BRAP: variants seen among roughly 807,000 people sequenced by gnomAD.
The protein encoded by BRAP is BRCA1 associated protein.
BRAP carries 42 observed loss-of-function variants against 73.4 expected under a neutral mutation model. The ratio of observed to expected loss-of-function variants is 0.57; its 90% confidence interval spans 0.45 to 0.74. The LOEUF (loss-of-function observed/expected upper bound fraction) is 0.74, where lower values mean the gene tolerates loss of function less well. BRAP is among the 30% of genes least tolerant of loss of function. The pLI, the probability that BRAP is intolerant of heterozygous loss-of-function variation, is 0.00. For missense variants in BRAP, 593 were observed against 751.4 expected, an observed-to-expected ratio of 0.79 and a Z score of 2.46; for synonymous variants, 255 against 267.4, an observed-to-expected ratio of 0.95 and a Z score of 0.45.
chr12:111,653,253 A>G (rs551068498), intron 10 of BRAP, among the ~76,000 whole-genome samples: 1 of 152,348 alleles, frequency 6.6e-6, no homozygotes, highest in East Asian at 1.9e-4. Context: ...CACCCATGAC[A>G]CACACAAAAG....
Position 111,683,237 on chromosome 12 carries a change from C to A in BRAP, c.153G>T (p.Lys51Asn). Residue 51 changes from lysine (K) to asparagine (N), a missense_variant, in exon 2 of 12, where the codon AAG (lysine) becomes AAT (asparagine). Around this residue, in one of 4 missense-constraint regions of BRAP, gnomAD observed 304 missense variants for 337.7 expected, o/e 0.90. Coordinates refer to ENST00000419234, the MANE Select transcript of BRAP (RefSeq NM_006768.5). ...TAATCGCTACTTTCTCTCCTGGTGA[C>A]TTGCCTTCTAAACAGGCTACAGCTG... ...LASAVACLEG[K>N]SPGEKVAIIH... 2 of 1,614,182 alleles carry A rather than the reference C, an allele frequency of 1.2e-6. No homozygotes were observed. Among genetic ancestry groups the A allele is most frequent in the Non-Finnish European group, 1.7e-6 (2 of 1,180,026 alleles).
intron 10 of BRAP, 56 bp from the exon 11 acceptor site, chr12:111,650,098 T>C (rs1232824650): frequency 1.6e-6 from 2 of 1,268,700 alleles, no homozygotes; most frequent in African/African-American, 1.5e-5. Flanking sequence ...GGTGTGCTCT[T>C]TGGGACCAAC....
chr12:111,647,240 T>C (rs1156450860), intron 11 of BRAP, among the ~76,000 whole-genome samples: 1 of 152,158 alleles, frequency 6.6e-6, no homozygotes, highest in Non-Finnish European at 1.5e-5. Context: ...CACTGTACTC[T>C]GGCCTAGGCA....
intron 9 of BRAP, 83 bp downstream of exon 9, chr12:111,658,653 T>G: frequency 8.9e-7 from 1 of 1,129,542 alleles, no homozygotes; most frequent in Non-Finnish European, 1.3e-6. Context: ...AAAATGTACA[T>G]CCAGGTAAAT....
chr12:111,648,599 C>T (rs893986776), intron 11 of BRAP, among the ~76,000 whole-genome samples: 3 of 143,384 alleles, frequency 2.1e-5, no homozygotes, highest in Middle Eastern at 4.4e-3. Flanking sequence ...TGCGCCACTG[C>T]ACTCCAGCCT....
intron 4 of BRAP, among the ~76,000 whole-genome samples, chr12:111,673,510 G>GAAAAAAAAAAAAAAAAAAA (rs11350832): frequency 4.2e-5 from 5 of 118,158 alleles, no homozygotes; most frequent in African/African-American, 3.2e-5. Flanking sequence ...ATCTCAAAAA[G>GAAAAAAAAAAAAAAAAAAA]AAAAAAAAAA....
chr12:111,655,506 C>T, intron 10 of BRAP, 60 bp downstream of exon 10: 1 of 1,355,790 alleles, frequency 7.4e-7, no homozygotes, highest in South Asian at 1.2e-5. Flanking sequence ...CTTCCACACC[C>T]CCCATCAGAG....
intron 3 of BRAP, 139 bp from the exon 4 acceptor site, chr12:111,679,479 C>G (rs191785006): frequency 3.9e-6 from 2 of 509,070 alleles, no homozygotes; most frequent in Non-Finnish European, 6.2e-6. Flanking sequence ...TATATTATAC[C>G]CCCCATTGGA....
intron 5 of BRAP, among the ~76,000 whole-genome samples, chr12:111,668,933 G>A (rs527273411): frequency 2.6e-5 from 4 of 152,216 alleles, no homozygotes; most frequent in South Asian, 2.1e-4. Context: ...GATTACAGGC[G>A]TGAGCCACTG....
At chr12:111,660,058 A>C (rs979820476) in intron 7 of BRAP, among the ~76,000 whole-genome samples, 3 of 151,856 alleles carry the variant, frequency 2.0e-5, no homozygotes, top group African/African-American at 7.3e-5. Context: ...TGGGTAACAG[A>C]ATGATACCCT....
chr12:111,670,201 GT>G (rs2135919358), intron 5 of BRAP: 1 of 610,294 alleles, frequency 1.6e-6, no homozygotes, highest in Admixed American at 1.9e-5. Flanking sequence ...TTGTTGGGAG[GT>G]CTGCAGCTTC....
intron 5 of BRAP, chr12:111,669,847 C>T (rs2135918981): frequency 3.2e-6 from 2 of 624,562 alleles, no homozygotes; most frequent in Admixed American, 5.6e-5. Flanking sequence ...TTCAAAACAT[C>T]GTTTAATTGT....
intron 9 of BRAP, 101 bp downstream of exon 9, chr12:111,658,635 T>TA: frequency 9.8e-7 from 1 of 1,021,974 alleles, no homozygotes; most frequent in Non-Finnish European, 1.4e-6. Flanking sequence ...TGACCAAACT[T>TA]TAAAAAAAAA....
chr12:111,665,491 T>C lies in BRAP; in HGVS notation c.896+148A>G. 2 of 1,161,724 alleles carry C rather than the reference T, an allele frequency of 1.7e-6. No homozygotes were observed. The highest frequency in any genetic ancestry group is 2.4e-6 in the Non-Finnish European group (2 of 844,088). 72.0% of individuals were successfully genotyped at this position (1,161,724 alleles called of 1,614,324 possible). ...AAAGGACTTGGTCTCAGAATGCCGA[T>C]TCCCTGAACTTAGGAAAGGGAAGGA... is the stretch of plus-strand genomic sequence containing the variant. On this transcript the variant is annotated intron_variant, in intron 6 of 11. Coordinates refer to ENST00000419234, the MANE Select transcript of BRAP (RefSeq NM_006768.5). This position sits in a 1 kb window ranked among gnomAD's most constrained non-coding sequence, Gnocchi z 4.3.
chr12:111,684,223 G>A (rs2049197751), intron 1 of BRAP, among the ~76,000 whole-genome samples: 1 of 152,188 alleles, frequency 6.6e-6, no homozygotes, highest in Non-Finnish European at 1.5e-5. Flanking sequence ...ACAGTGCCGA[G>A]CACACAGAGG....
At chr12:111,678,867 A>ATCCT in intron 4 of BRAP, among the ~76,000 whole-genome samples, 1 of 151,786 alleles carries the variant, frequency 6.6e-6, no homozygotes, top group Middle Eastern at 3.4e-3. Context: ...AGCATCTGTA[A>ATCCT]TCCTAGCACT....
intron 2 of BRAP, among the ~76,000 whole-genome samples, chr12:111,682,481 C>T (rs1295697561): frequency 1.3e-5 from 1 of 74,508 alleles, no homozygotes; most frequent in Non-Finnish European, 2.4e-5. Context: ...CACCTGGGGA[C>T]AAAGTGAGAC....
Position 111,665,262 on chromosome 12 carries a change from T to C in BRAP, c.896+377A>G, listed in dbSNP as rs142839927. Among the ~76,000 whole-genome samples the C allele has an allele frequency of 6.6e-6, 1 of 152,204 alleles. No homozygotes were observed. The highest frequency in any genetic ancestry group is 2.4e-5 in the African/African-American group (1 of 41,460). On this transcript the variant is annotated intron_variant, in intron 6 of 11. Transcript: ENST00000419234. This position sits in a 1 kb window ranked among gnomAD's most constrained non-coding sequence, Gnocchi z 4.3. ...CAGCAAAGCTAAAATATTAGGCTGC[T>C]GTAGCCCAGTTGATAAGAAGCCCAG...
At chr12:111,658,394 A>G (rs1486702729) in intron 9 of BRAP, among the ~76,000 whole-genome samples, 3 of 150,534 alleles carry the variant, frequency 2.0e-5, no homozygotes, top group Admixed American at 1.3e-4. Context: ...TCTGCTTCCC[A>G]GGTTCAAGCG....
Sources: gnomAD v4.1 joint callset for allele counts (sites outside exome capture counted in the v4.1 genomes callset) on GRCh38, gnomAD v4.1.1 for gene constraint, gnomAD v4.1.1 regional missense constraint, Gnocchi (gnomAD v3.1) non-coding constraint, MANE v1.5 for transcripts, NCBI Gene and HGNC (gene_info 2026-07-23, HGNC 2026-07-21) for gene names.